Variants in TENM3 observed in about 807,000 individuals in gnomAD.
The protein encoded by TENM3 is teneurin transmembrane protein 3, also known as teneurin-3.
Under a neutral mutation model 255.1 loss-of-function variants are expected in TENM3, and 63 were observed. That is an observed-to-expected ratio of 0.25 (90% CI 0.20 to 0.30). TENM3 has a LOEUF of 0.30. TENM3 is among the 10% of genes least tolerant of loss of function. The probability of loss-of-function intolerance (pLI) is 1.00; values close to 1 mark genes in which losing one functional copy is unlikely to be tolerated. For missense variants in TENM3, 2,929 were observed against 3,461.1 expected (o/e 0.85, Z 3.86); for synonymous variants, 1,306 against 1,322.3 (o/e 0.99, Z 0.27).
At chr4:182,611,469 CATTT>C (rs1748996636) in intron 4 of TENM3, among the ~76,000 whole-genome samples, 1 of 151,690 alleles carries the variant, frequency 6.6e-6, no homozygotes, top group African/African-American at 2.4e-5. Context: ...TCAATTCTAA[CATTT>C]ATATAAACAT....
At chr4:181,609,312 G>A in the TENM3 span, among the ~76,000 whole-genome samples, 3 of 152,076 alleles carry the variant, frequency 2.0e-5, no homozygotes, top group Admixed American at 6.5e-5. Context: ...TTGCTGGAAG[G>A]GAAATAAGAT....
chr4:182,356,145 C>T (rs564280185), intron 3 of TENM3, among the ~76,000 whole-genome samples: 13 of 151,896 alleles, frequency 8.6e-5, no homozygotes, highest in Admixed American at 8.5e-4. Context: ...AAAAAAAACC[C>T]AAAAGATTAA....
the TENM3 span, among the ~76,000 whole-genome samples, chr4:181,562,355 T>C: frequency 3.3e-5 from 5 of 152,190 alleles, no homozygotes; most frequent in Non-Finnish European, 5.9e-5. Context: ...CAGTTATCAC[T>C]TTAATGTACT....
the TENM3 span, among the ~76,000 whole-genome samples, chr4:181,540,511 A>G: frequency 2.0e-5 from 3 of 151,952 alleles, no homozygotes; most frequent in Non-Finnish European, 4.4e-5. Context: ...GCGGTGGGGG[A>G]CCTCAACAAA....
At chr4:181,859,837 C>T in the TENM3 span, among the ~76,000 whole-genome samples, 8 of 151,096 alleles carry the variant, frequency 5.3e-5, no homozygotes, top group East Asian at 1.2e-3. Context: ...TTTACATGAG[C>T]AGAAAAAAAA....
the TENM3 span, among the ~76,000 whole-genome samples, chr4:181,508,623 G>A: frequency 2.0e-5 from 3 of 152,088 alleles, no homozygotes; most frequent in Non-Finnish European, 4.4e-5. Context: ...TGAACTGTCC[G>A]TCGGCTCTGA....
intron 12 of TENM3, among the ~76,000 whole-genome samples, chr4:182,692,136 T>A (rs1757054723): frequency 6.6e-6 from 1 of 152,256 alleles, no homozygotes; most frequent in Non-Finnish European, 1.5e-5. Flanking sequence ...TTCTGTCATC[T>A]GAGAGTTGAG....
intron 24 of TENM3, among the ~76,000 whole-genome samples, chr4:182,777,919 A>G (rs1053826176): frequency 1.3e-5 from 2 of 151,668 alleles, no homozygotes; most frequent in African/African-American, 2.4e-5. Flanking sequence ...GAAAAATCAT[A>G]TAAGAAAACA....
chr4:182,168,219 C>G (rs1751852344), intron 1 of TENM3, among the ~76,000 whole-genome samples: 1 of 151,950 alleles, frequency 6.6e-6, no homozygotes, highest in South Asian at 2.1e-4. Context: ...ACAGCAGCTT[C>G]CATCTCTGGG....
intron 3 of TENM3, among the ~76,000 whole-genome samples, chr4:182,406,044 G>A (rs750244086): frequency 6.6e-5 from 10 of 152,280 alleles, no homozygotes; most frequent in East Asian, 1.9e-4. Flanking sequence ...GGTGGTTCAC[G>A]CCTGTAATCC....
intron 3 of TENM3, among the ~76,000 whole-genome samples, chr4:182,536,504 A>G (rs1740331473): frequency 6.6e-6 from 1 of 152,218 alleles, no homozygotes; most frequent in Non-Finnish European, 1.5e-5. Flanking sequence ...GCAGCTCACA[A>G]GTGGGTCAGA....
the TENM3 span, among the ~76,000 whole-genome samples, chr4:181,852,035 A>G: frequency 2.6e-5 from 4 of 152,202 alleles, no homozygotes; most frequent in Non-Finnish European, 5.9e-5. Context: ...TTCTGACCAA[A>G]CCAAAAGAGA....
chr4:182,733,395 T>C (rs1421730834), intron 16 of TENM3, among the ~76,000 whole-genome samples: 1 of 152,110 alleles, frequency 6.6e-6, no homozygotes, highest in Non-Finnish European at 1.5e-5. Flanking sequence ...ATTTCCTCCT[T>C]TAAGGAATTT....
the TENM3 span, among the ~76,000 whole-genome samples, chr4:181,937,778 G>A: frequency 1.3e-5 from 2 of 152,188 alleles, no homozygotes; most frequent in African/African-American, 4.8e-5. Flanking sequence ...ATGCCAATGT[G>A]ACTTTCAGTC....
At chr4:182,209,245 G>A (rs1754810457) in intron 1 of TENM3, among the ~76,000 whole-genome samples, 1 of 151,086 alleles carries the variant, frequency 6.6e-6, no homozygotes, top group South Asian at 2.1e-4. Context: ...TGGGATTACA[G>A]GCGTGAGCCA....
the TENM3 span, among the ~76,000 whole-genome samples, chr4:181,733,255 G>T: frequency 1.3e-4 from 20 of 152,300 alleles, no homozygotes; most frequent in East Asian, 1.9e-3. Flanking sequence ...CATACATTAA[G>T]TCCAATCTTC....
chr4:181,536,623 A>G, the TENM3 span, among the ~76,000 whole-genome samples: 4 of 152,198 alleles, frequency 2.6e-5, no homozygotes, highest in African/African-American at 7.2e-5. Context: ...GAAGTGGTCA[A>G]TTTCTTTATT....
the TENM3 span, among the ~76,000 whole-genome samples, chr4:181,605,581 AAAG>A: frequency 4.1e-4 from 14 of 33,790 alleles, 3 homozygotes; most frequent in Non-Finnish European, 5.8e-4. Flanking sequence ...AGAGAGAAAG[AAAG>A]GAAAGAAAGA....
At chr4:182,228,392 G>GTGTGTGTGTGTGTGTGTGTATA (rs139457090) in intron 1 of TENM3, among the ~76,000 whole-genome samples, 5 of 104,428 alleles carry the variant, frequency 4.8e-5, no homozygotes, top group African/African-American at 2.2e-4. Flanking sequence ...GTGTGTGTGT[G>GTGTGTGTGTGTGTGTGTGTATA]TATATGTAAT....
Sources: gnomAD v4.1 joint callset for allele counts (sites outside exome capture counted in the v4.1 genomes callset) on GRCh38, gnomAD v4.1.1 for gene constraint, MANE v1.5 for transcripts, NCBI Gene and HGNC (gene_info 2026-07-23, HGNC 2026-07-21) for gene names.